The following SULT2A1 variants were observed in gnomAD, a reference collection of about 807,000 sequenced individuals.
The protein encoded by SULT2A1 is sulfotransferase family 2A member 1, also known as sulfotransferase 2A1.
A neutral mutation model predicts 33.9 loss-of-function variants in SULT2A1; 43 were observed. The ratio of observed to expected loss-of-function variants is 1.27; its 90% CI spans 1.00 to 1.64. SULT2A1 has a LOEUF of 1.64. SULT2A1 is among the 40% of genes most tolerant of loss of function. The pLI is 0.00. For synonymous variants in SULT2A1, 125 were observed against 113.6 expected (o/e 1.10, Z -0.64); for missense variants, 300 against 335.1 (o/e 0.90, Z 0.82).
rs528528485 is a variant in SULT2A1, at chr19:47,881,431, C to T, written c.472+653G>A. On this transcript the variant is annotated intron_variant, in intron 3 of 5. Transcript: ENST00000222002. Reference sequence around the variant, plus strand: ...AGGTGATCCACCCGCCTCGGCCTCCCATAGTGTTGGGATTACATGTGTGAG... The same window carrying T: ...AGGTGATCCACCCGCCTCGGCCTCCTATAGTGTTGGGATTACATGTGTGAG... Among the ~76,000 whole-genome samples the T allele has an allele frequency of 7.9e-5, 12 of 152,258 alleles. No individual in the cohort carries two copies. The South Asian group carries it at 2.5e-3, about 32-fold the overall frequency.
intron 4 of SULT2A1, among the ~76,000 whole-genome samples, chr19:47,877,852 A>C (rs1968562233): frequency 6.6e-6 from 1 of 152,150 alleles, no homozygotes; most frequent in Admixed American, 6.5e-5. Context: ...GCTTGGCCTC[A>C]AGTTGTTCTT....
Position 47,883,670 on chromosome 19 carries a change from A to G in SULT2A1, c.252T>C (p.Tyr84=). 6.2e-7 allele frequency: 1 copy of G among 1,614,112 alleles called. No homozygotes were observed. Residue 84 remains tyrosine (Y), a synonymous_variant, in exon 2 of 6, where the codon TAT becomes TAC. Coordinates refer to ENST00000222002, the MANE Select transcript of SULT2A1 (RefSeq NM_003167.4). The part of the protein sequence containing the change: ...RSPWVESEIG[Y]TALSETESPR... The stretch of plus-strand genomic sequence containing the variant: ...GACTCTCCGTTTCACTGAGTGCTGT[A>G]TACCCAATCTCACTCTCTACCCAGG...
chr19:47,881,176 C>T (rs1395231158), intron 3 of SULT2A1, among the ~76,000 whole-genome samples: 1 of 152,012 alleles, frequency 6.6e-6, no homozygotes, highest in Non-Finnish European at 1.5e-5. Context: ...GCTGGGATTA[C>T]AGGCACCCAC....
At position 47,882,636 on chromosome 19, in the gene SULT2A1, C is replaced by T. The variant is rs556034433; in HGVS notation, c.346-426G>A. ...ACACATTTCAGAGACATTACTTTGT[C>T]CTTTGGGCCAGGCATGGTGGCTCAT... On this transcript the variant is annotated intron_variant, in intron 2 of 5. Coordinates refer to ENST00000222002, the MANE Select transcript of SULT2A1 (RefSeq NM_003167.4). Among the ~76,000 whole-genome samples the T allele has an allele frequency of 4.3e-4, 66 of 152,172 alleles. No homozygotes were observed. In the South Asian group the frequency reaches 6.6e-3, roughly 15 times the overall value.
chr19:47,877,471 C>T (rs1968557775), intron 4 of SULT2A1, among the ~76,000 whole-genome samples: 1 of 151,846 alleles, frequency 6.6e-6, no homozygotes, highest in Non-Finnish European at 1.5e-5. Context: ...AACTCCTGAC[C>T]TCAAGTGATC....
chr19:47,883,774 A>G lies in SULT2A1; in HGVS notation c.148T>C (p.Leu50=). Residue 50 remains leucine, a synonymous_variant, in exon 2 of 6, where the codon TTG becomes CTG. Transcript: ENST00000222002. ...TGCATCAGGCAGAGAATCTCAGCCA[A>G]CCAGTTTGTTCCTGGAAAAAGAAGG... ...LTYPKSGTNW[L]AEILCLMHSK... The G allele has an allele frequency of 6.2e-7, 1 of 1,614,050 alleles. No homozygotes were observed. The highest frequency in any genetic ancestry group is 1.3e-5 in the African/African-American group (1 of 75,028).
chr19:47,882,229 A>T lies in SULT2A1; in HGVS notation c.346-19T>A, dbSNP rs759256425. ...AAATCACCTTAAATGGAAAAACGGG[A>T]GAATGAAAAATCAATACAGTCAATC... On this transcript the variant is annotated intron_variant, in intron 2 of 5. Coordinates refer to ENST00000222002, the MANE Select transcript of SULT2A1 (RefSeq NM_003167.4). 7 of 1,604,234 alleles carry T rather than the reference A, an allele frequency of 4.4e-6. No individual in the cohort carries two copies. Among genetic ancestry groups the T allele is most frequent in the Non-Finnish European group, 6.0e-6 (7 of 1,175,532 alleles).
At chr19:47,874,167 C>T (rs138738792) in intron 5 of SULT2A1, among the ~76,000 whole-genome samples, 86 of 152,286 alleles carry the variant, frequency 5.6e-4, no homozygotes, top group African/African-American at 2.0e-3. Context: ...TCCCCACCCA[C>T]CTACAGCCCA....
intron 1 of SULT2A1, among the ~76,000 whole-genome samples, chr19:47,884,597 C>T (rs1968637166): frequency 2.0e-5 from 3 of 151,730 alleles, no homozygotes; most frequent in South Asian, 2.1e-4. Context: ...GTACTTCGGC[C>T]TCCTGCTTCA....
chr19:47,874,391 T>C (rs1968522044), intron 5 of SULT2A1, among the ~76,000 whole-genome samples: 1 of 152,020 alleles, frequency 6.6e-6, no homozygotes, highest in African/African-American at 2.4e-5. Context: ...ATACAAAAAT[T>C]AGCTGGGTGT....
rs1315939694 is a variant in SULT2A1 at position 47,883,798 on chromosome 19, G to C, written c.137-13C>G. 15 of 1,612,266 alleles carry C rather than the reference G, an allele frequency of 9.3e-6. No homozygotes were observed. The highest frequency in any genetic ancestry group is 1.2e-5 in the Non-Finnish European group (14 of 1,179,066). On this transcript the variant is annotated splice_polypyrimidine_tract_variant and intron_variant, in intron 1 of 5. Coordinates refer to ENST00000222002, the MANE Select transcript of SULT2A1 (RefSeq NM_003167.4). ...AACCAGTTTGTTCCTGGAAAAAGAA[G>C]GAAAAAAATATATAAAATGTACCAT... is the stretch of plus-strand genomic sequence containing the variant.
At chr19:47,881,078 C>T (rs1968598783) in intron 3 of SULT2A1, among the ~76,000 whole-genome samples, 1 of 151,960 alleles carries the variant, frequency 6.6e-6, no homozygotes, top group African/African-American at 2.4e-5. Flanking sequence ...TTTTGTTGCC[C>T]AGGCTGGGGT....
intron 1 of SULT2A1, 37 bp downstream of exon 1, chr19:47,886,085 C>T: frequency 6.2e-7 from 1 of 1,606,032 alleles, no homozygotes. Flanking sequence ...AGGAACACAA[C>T]CACAGCCTTT....
chr19:47,877,876 G>A (rs1359075987), intron 4 of SULT2A1, among the ~76,000 whole-genome samples: 1 of 152,100 alleles, frequency 6.6e-6, no homozygotes, highest in Non-Finnish European at 1.5e-5. Flanking sequence ...ATACTTGCTG[G>A]TTCTGAGTAT....
chr19:47,885,778 A>G (rs1345715985), intron 1 of SULT2A1, among the ~76,000 whole-genome samples: 3 of 151,946 alleles, frequency 2.0e-5, no homozygotes, highest in Non-Finnish European at 4.4e-5. Flanking sequence ...GTAATTTCAT[A>G]CTCATTCTTT....
intron 3 of SULT2A1, 151 bp downstream of exon 3, chr19:47,881,933 C>A (rs550905592): frequency 2.2e-6 from 2 of 923,594 alleles, no homozygotes; most frequent in Admixed American, 5.1e-5. Flanking sequence ...TGCTGCTATG[C>A]GGGAGAGTAA....
chr19:47,883,514 C>A (rs1170891831), intron 2 of SULT2A1, 63 bp downstream of exon 2: 2 of 1,504,092 alleles, frequency 1.3e-6, no homozygotes, highest in African/African-American at 2.8e-5. Flanking sequence ...CTCCAGATGA[C>A]TTATAGGCAT....
chr19:47,876,581 T>C (rs959355277), intron 4 of SULT2A1, among the ~76,000 whole-genome samples: 2 of 151,878 alleles, frequency 1.3e-5, no homozygotes, highest in African/African-American at 4.8e-5. Flanking sequence ...TCCAGCTTGG[T>C]CAACGTGGTG....
chr19:47,882,599 C>T (rs533411446), intron 2 of SULT2A1, among the ~76,000 whole-genome samples: 1 of 152,112 alleles, frequency 6.6e-6, no homozygotes, highest in East Asian at 1.9e-4. Flanking sequence ...TATACAACAC[C>T]CAAGATCATG....
Sources: allele counts gnomAD v4.1 joint callset (sites outside exome capture counted in the v4.1 genomes callset), GRCh38; gene constraint gnomAD v4.1.1; transcripts MANE v1.5; gene names NCBI Gene and HGNC (gene_info 2026-07-23, HGNC 2026-07-21).